VRK2: variants seen among roughly 807,000 people sequenced by gnomAD.
The protein encoded by VRK2 is VRK serine/threonine kinase 2, also known as serine/threonine-protein kinase VRK2.
VRK2 carries 60 observed loss-of-function variants against 57.6 expected under a neutral mutation model. The observed-to-expected ratio is 1.04, with a 90% CI of 0.85 to 1.29. The LOEUF (loss-of-function observed/expected upper bound fraction) is 1.29. Among genes scored for constraint, VRK2 ranks in the 50% most tolerant of loss-of-function variants. The pLI, the probability that VRK2 is intolerant of heterozygous loss-of-function variation, is 0.00. For missense variants in VRK2, 705 were observed against 588.1 expected (o/e 1.20, Z -2.06); for synonymous variants, 231 against 199.2 (o/e 1.16, Z -1.35).
chr2:57,941,365 C>T (rs1170176889), intron 1 of VRK2, among the ~76,000 whole-genome samples: 1 of 152,152 alleles, frequency 6.6e-6, no homozygotes, highest in Non-Finnish European at 1.5e-5. Flanking sequence ...GATGGCTGAA[C>T]TGGACACATA....
At chr2:58,054,562 A>G (rs141662319) in intron 2 of VRK2, among the ~76,000 whole-genome samples, 1 of 152,056 alleles carries the variant, frequency 6.6e-6, no homozygotes, top group Non-Finnish European at 1.5e-5. Context: ...TTTTCTTTAG[A>G]TAAGGAAGAA....
chr2:58,005,974 G>A (rs545967272), intron 1 of VRK2, among the ~76,000 whole-genome samples: 1 of 152,268 alleles, frequency 6.6e-6, no homozygotes, highest in East Asian at 1.9e-4. Context: ...CAGATGGTAA[G>A]CAAGGCAATG....
chr2:57,926,530 G>GTA (rs202199815), intron 1 of VRK2, among the ~76,000 whole-genome samples: 7 of 150,124 alleles, frequency 4.7e-5, no homozygotes, highest in South Asian at 2.1e-4. Context: ...GTGTGTGTGT[G>GTA]TATATATATA....
chr2:58,097,883 C>G (rs1365993834), intron 7 of VRK2, among the ~76,000 whole-genome samples: 1 of 150,988 alleles, frequency 6.6e-6, no homozygotes, highest in African/African-American at 2.4e-5. Flanking sequence ...AGAGTATATT[C>G]CTTCTACTTA....
rs191324874 is a variant in VRK2 at position 58,091,688 on chromosome 2, C to T, written c.543+1965C>T. 1.5e-3 allele frequency among the ~76,000 whole-genome samples: 219 copies of T among 150,474 alleles called. 2 individuals are homozygous for T. The highest frequency in any genetic ancestry group is 4.3e-3 in the African/African-American group (178 of 41,030). ...TAACAAATATTTGAGAATATCTAGC[C>T]GGTACTAAAAAAAAAATTAAGAAAA... On this transcript the variant is annotated intron_variant, in intron 7 of 12. Transcript: ENST00000340157.
At chr2:58,059,013 A>C (rs1676946389) in intron 2 of VRK2, among the ~76,000 whole-genome samples, 1 of 152,062 alleles carries the variant, frequency 6.6e-6, no homozygotes, top group African/African-American at 2.4e-5. Context: ...TAGTATTGGC[A>C]GCTAATTTAA....
chr2:58,101,405 CAA>C (rs1173655023), intron 7 of VRK2, among the ~76,000 whole-genome samples: 2 of 151,538 alleles, frequency 1.3e-5, no homozygotes, highest in Non-Finnish European at 3.0e-5. Flanking sequence ...TATGCATCTC[CAA>C]AAACTAAGGA....
At chr2:58,121,271 T>C (rs1677470673) in intron 7 of VRK2, among the ~76,000 whole-genome samples, 1 of 152,230 alleles carries the variant, frequency 6.6e-6, no homozygotes. Flanking sequence ...ATAAAACAGC[T>C]TCTTGATAGC....
intron 7 of VRK2, among the ~76,000 whole-genome samples, chr2:58,097,557 T>C (rs1392173255): frequency 6.6e-6 from 1 of 152,130 alleles, no homozygotes; most frequent in Non-Finnish European, 1.5e-5. Context: ...AAATTAAAAT[T>C]TAAAATTAAA....
chr2:58,088,937 T>C (rs763630894), intron 6 of VRK2, among the ~76,000 whole-genome samples: 7 of 152,202 alleles, frequency 4.6e-5, no homozygotes, highest in African/African-American at 9.6e-5. Context: ...CAGGCACACA[T>C]TTGTTTATAC....
chr2:57,991,537 A>T (rs1672766197), intron 1 of VRK2, among the ~76,000 whole-genome samples: 1 of 152,168 alleles, frequency 6.6e-6, no homozygotes, highest in African/African-American at 2.4e-5. Flanking sequence ...GCATTTACCG[A>T]ACCAGGGTCC....
upstream of VRK2, among the ~76,000 whole-genome samples, chr2:58,045,530 A>G (rs1174924751): frequency 6.6e-6 from 1 of 152,204 alleles, no homozygotes; most frequent in Non-Finnish European, 1.5e-5. Context: ...TATCTTAAGA[A>G]AATAAGAAAG....
chr2:58,051,812 A>T (rs1675788899), intron 2 of VRK2, among the ~76,000 whole-genome samples: 1 of 152,180 alleles, frequency 6.6e-6, no homozygotes, highest in African/African-American at 2.4e-5. Flanking sequence ...TTGGAGAAAT[A>T]ATGTGCCTCT....
At chr2:58,095,662 T>C (rs540228090) in intron 7 of VRK2, among the ~76,000 whole-genome samples, 2 of 152,288 alleles carry the variant, frequency 1.3e-5, no homozygotes, top group Non-Finnish European at 2.9e-5. Flanking sequence ...GTGGTTTTAG[T>C]AATGGTTCTT....
At chr2:58,155,771 G>T (rs894627114) in intron 12 of VRK2, among the ~76,000 whole-genome samples, 3 of 16,764 alleles carry the variant, frequency 1.8e-4, no homozygotes, top group African/African-American at 6.9e-4. Context: ...CCCCCACCCC[G>T]CCGCCCCGTT....
rs1671902383 is a variant in VRK2 at position 58,088,205 on chromosome 2, A to T, written c.345-136A>T. The T allele has an allele frequency of 7.7e-6, 5 of 650,984 alleles. No homozygotes were observed. The South Asian group carries it at 9.6e-5, about 13-fold the overall frequency. The allele number at this position is 650,984 out of a possible 1,614,324, so 40.3% of individuals were successfully genotyped here. On this transcript the variant is annotated intron_variant, in intron 5 of 12. Coordinates refer to ENST00000340157, the MANE Select transcript of VRK2 (RefSeq NM_006296.7). ...AAGAATAGCAGAATTATGAACGTGC[A>T]TTCATTCTCTAATGGTTTAGATTGC...
chr2:58,084,092 T>C lies in VRK2; in HGVS notation c.140T>C (p.Phe47Ser). The C allele has an allele frequency of 1.2e-6, 2 of 1,605,932 alleles. No homozygotes were observed. The highest frequency in any genetic ancestry group is 2.2e-5 in the South Asian group (2 of 89,366). Residue 47 changes from phenylalanine (F) to serine (S), a missense_variant, in exon 3 of 13, where the codon TTC becomes TCC. Coordinates refer to ENST00000340157, the MANE Select transcript of VRK2 (RefSeq NM_006296.7). ...SGGFGLIYLA[F>S]PTNKPEKDAR... The stretch of plus-strand genomic sequence containing the variant: ...TGTGTGTTTTTTTTGTCTGCAGCTT[T>C]CCCCACAAATAAACCAGAGAAAGAT...
At chr2:58,150,509 G>A (rs573556613) in intron 12 of VRK2, among the ~76,000 whole-genome samples, 1 of 140,806 alleles carries the variant, frequency 7.1e-6, no homozygotes, top group East Asian at 2.1e-4. Flanking sequence ...CTAGCTAAGG[G>A]CTTATCATTT....
intron 1 of VRK2, among the ~76,000 whole-genome samples, chr2:57,992,361 AT>A (rs1263667963): frequency 6.6e-6 from 1 of 152,204 alleles, no homozygotes; most frequent in Non-Finnish European, 1.5e-5. Flanking sequence ...AGAAATGAGC[AT>A]TAAAGAATGG....
Sources: allele counts gnomAD v4.1 joint callset (sites outside exome capture counted in the v4.1 genomes callset), GRCh38; gene constraint gnomAD v4.1.1; transcripts MANE v1.5; gene names NCBI Gene and HGNC (gene_info 2026-07-23, HGNC 2026-07-21).